The following CCDC178 variants were observed in gnomAD, a reference collection of about 807,000 sequenced individuals.
CCDC178 encodes the protein coiled-coil domain containing 178.
A neutral mutation model predicts 117.4 loss-of-function variants in CCDC178; 126 were observed. That is an observed-to-expected ratio of 1.07 (90% CI 0.93 to 1.24). The LOEUF is 1.24. CCDC178 is among the 50% of genes most tolerant of loss of function. The pLI is 0.00. For synonymous variants in CCDC178, 283 were observed against 313.4 expected, an observed-to-expected ratio of 0.90 and a Z score of 1.02; for missense variants, 1,030 against 986.9, an observed-to-expected ratio of 1.04 and a Z score of -0.59.
chr18:33,346,183 GAAGT>G (rs1410835642), intron 9 of CCDC178, 24 bp downstream of exon 9: 1 of 1,505,766 alleles, frequency 6.6e-7, no homozygotes, highest in East Asian at 2.3e-5. Flanking sequence ...AACAGAATAA[GAAGT>G]AATATAAAAA....
chr18:33,105,566 G>T (rs747437883), intron 20 of CCDC178, among the ~76,000 whole-genome samples: 7 of 151,580 alleles, frequency 4.6e-5, no homozygotes, highest in Non-Finnish European at 1.0e-4. Context: ...ACTTTTCAAA[G>T]AATTATACAG....
At chr18:33,391,157 A>G (rs892221703) in intron 4 of CCDC178, among the ~76,000 whole-genome samples, 1 of 151,628 alleles carries the variant, frequency 6.6e-6, no homozygotes. Flanking sequence ...AATAAAATGT[A>G]TACAATTATT....
At chr18:33,067,190 CA>C (rs1424387389) in intron 21 of CCDC178, among the ~76,000 whole-genome samples, 9 of 152,124 alleles carry the variant, frequency 5.9e-5, no homozygotes, top group Non-Finnish European at 1.5e-5. Flanking sequence ...TAGAAATCAA[CA>C]ACAAGATGAA....
chr18:33,058,741 G>A (rs1453703734), intron 21 of CCDC178, among the ~76,000 whole-genome samples: 1 of 151,994 alleles, frequency 6.6e-6, no homozygotes, highest in Non-Finnish European at 1.5e-5. Flanking sequence ...TCATATTCAG[G>A]TTTTTTTAAG....
intron 20 of CCDC178, among the ~76,000 whole-genome samples, chr18:33,192,454 G>A (rs1365889504): frequency 6.6e-6 from 1 of 152,148 alleles, no homozygotes; most frequent in Non-Finnish European, 1.5e-5. Context: ...AAAAATACAT[G>A]ATGTGGACAT....
At chr18:33,093,030 T>C in intron 20 of CCDC178, 120 bp from the exon 21 acceptor site, 1 of 536,694 alleles carries the variant, frequency 1.9e-6, no homozygotes, top group South Asian at 5.2e-5. Context: ...CTATTATGTA[T>C]AGTAGAAAAA....
intron 20 of CCDC178, among the ~76,000 whole-genome samples, chr18:33,158,457 G>A (rs192841933): frequency 8.2e-4 from 125 of 152,014 alleles, no homozygotes; most frequent in South Asian, 4.8e-3. Context: ...TAAAATATCA[G>A]TTTAAAATGC....
At chr18:33,308,630 C>T (rs948367277) in intron 11 of CCDC178, among the ~76,000 whole-genome samples, 1 of 152,110 alleles carries the variant, frequency 6.6e-6, no homozygotes, top group Admixed American at 6.5e-5. Context: ...TTGGCTGTGT[C>T]CCTACCCAAA....
At chr18:33,128,854 C>T (rs912209529) in intron 20 of CCDC178, among the ~76,000 whole-genome samples, 9 of 152,084 alleles carry the variant, frequency 5.9e-5, no homozygotes, top group African/African-American at 1.9e-4. Context: ...CTGATTGCAC[C>T]ATTTCAAATG....
At chr18:33,269,753 G>C (rs1293926017) in intron 12 of CCDC178, among the ~76,000 whole-genome samples, 2 of 151,478 alleles carry the variant, frequency 1.3e-5, no homozygotes, top group Non-Finnish European at 3.0e-5. Flanking sequence ...AACAGCAACA[G>C]GAACAAATCC....
At chr18:33,274,135 C>T (rs577312380) in intron 12 of CCDC178, among the ~76,000 whole-genome samples, 7 of 151,686 alleles carry the variant, frequency 4.6e-5, no homozygotes, top group Admixed American at 4.0e-4. Flanking sequence ...ACAGGAAAAG[C>T]CATTTTCCAT....
At chr18:32,985,313 C>G (rs1352601037) in intron 21 of CCDC178, among the ~76,000 whole-genome samples, 2 of 151,946 alleles carry the variant, frequency 1.3e-5, no homozygotes, top group East Asian at 3.9e-4. Context: ...ATACGCCACA[C>G]AATCATGCAA....
Position 33,063,622 on chromosome 18 carries a change from C to T in CCDC178, c.2388+29139G>A, listed in dbSNP as rs1027994693. On this transcript the variant is annotated intron_variant, in intron 21 of 22. Coordinates refer to ENST00000383096, the MANE Select transcript of CCDC178 (RefSeq NM_001105528.4). Reference sequence around the variant, plus strand: ...GCCACTATAACTACCACTACACACGCTGTACACAGAGCCCAAGGGACCTCC... The same window carrying T: ...GCCACTATAACTACCACTACACACGTTGTACACAGAGCCCAAGGGACCTCC... 2.0e-5 allele frequency among the ~76,000 whole-genome samples: 3 copies of T among 152,154 alleles called. No homozygotes were observed. In the East Asian group the frequency reaches 5.8e-4, roughly 29 times the overall value.
rs146309635 is a variant in CCDC178, at chr18:32,987,506, CAT to C, written c.2389-12827_2389-12826del. 9.3e-3 allele frequency among the ~76,000 whole-genome samples: 1,410 copies of C among 152,050 alleles called. 23 individuals are homozygous for C. Among genetic ancestry groups the C allele is most frequent in the African/African-American group, 0.033 (1,354 of 41,480 alleles). ...GACAGGCTTAATAAACTTGATCTAG[CAT>C]ATATATGTATATATGCATATATATG... is the stretch of plus-strand genomic sequence containing the variant. On this transcript the variant is annotated intron_variant, in intron 21 of 22. Transcript: ENST00000383096.
chr18:33,390,588 G>A (rs2063551237), intron 4 of CCDC178, among the ~76,000 whole-genome samples: 1 of 151,972 alleles, frequency 6.6e-6, no homozygotes, highest in Non-Finnish European at 1.5e-5. Flanking sequence ...AAACATACTC[G>A]ATGCATTTAA....
At chr18:33,359,885 G>A (rs1568174432) in intron 6 of CCDC178, among the ~76,000 whole-genome samples, 1 of 150,980 alleles carries the variant, frequency 6.6e-6, no homozygotes, top group Non-Finnish European at 1.5e-5. Context: ...ACAAACTTCT[G>A]CTTGATAAAT....
intron 9 of CCDC178, among the ~76,000 whole-genome samples, chr18:33,340,198 T>A (rs372960004): frequency 5.3e-5 from 8 of 152,148 alleles, no homozygotes; most frequent in African/African-American, 1.9e-4. Flanking sequence ...TGCTATGTTT[T>A]AGCAAAGAGA....
At chr18:33,215,775 G>A (rs1344465609) in intron 18 of CCDC178, 80 bp from the exon 19 acceptor site, 2 of 1,100,540 alleles carry the variant, frequency 1.8e-6, no homozygotes, top group Non-Finnish European at 2.6e-6. Flanking sequence ...CAATTACATT[G>A]GCTGTGTGAA....
chr18:33,369,241 T>C (rs1437457406), intron 6 of CCDC178, among the ~76,000 whole-genome samples: 1 of 152,006 alleles, frequency 6.6e-6, no homozygotes, highest in African/African-American at 2.4e-5. Context: ...TGTTCTAATA[T>C]AGTATCACTA....
Sources: gnomAD v4.1 joint callset for allele counts (sites outside exome capture counted in the v4.1 genomes callset) on GRCh38, gnomAD v4.1.1 for gene constraint, MANE v1.5 for transcripts, NCBI Gene and HGNC (gene_info 2026-07-23, HGNC 2026-07-21) for gene names.